Variants in CLASP1 observed in about 807,000 individuals in gnomAD.
The protein encoded by CLASP1 is CLIP-associating protein 1.
In CLASP1, 38 loss-of-function variants were observed where a neutral mutation model predicts 192.3. The ratio of observed to expected loss-of-function variants is 0.20; its 90% CI spans 0.15 to 0.26. CLASP1 has a LOEUF of 0.26. CLASP1 is among the 10% of genes least tolerant of loss of function. The probability of loss-of-function intolerance (pLI) is 1.00; values close to 1 mark genes in which losing one functional copy is unlikely to be tolerated. For missense variants in CLASP1, 1,433 were observed against 1,932.5 expected, an observed-to-expected ratio of 0.74 and a Z score of 4.85; for synonymous variants, 691 against 712.8, an observed-to-expected ratio of 0.97 and a Z score of 0.49.
intron 8 of CLASP1, chr2:121,490,371 C>T (rs2093235775): frequency 2.3e-6 from 1 of 435,764 alleles, no homozygotes; most frequent in Admixed American, 2.6e-5. Flanking sequence ...TCAGCAAACT[C>T]TCCACCCACA....
At chr2:121,478,762 C>CCACACACCCCACA (rs1559366764) in intron 8 of CLASP1, among the ~76,000 whole-genome samples, 1 of 63,636 alleles carries the variant, frequency 1.6e-5, no homozygotes, top group South Asian at 5.6e-4. Flanking sequence ...CACACACACA[C>CCACACACCCCACA]CACACACCCC....
At chr2:121,531,026 A>T (rs752210191) in intron 2 of CLASP1, 4 of 700,054 alleles carry the variant, frequency 5.7e-6, no homozygotes, top group South Asian at 3.0e-5. Context: ...CTGTTTTCAT[A>T]GACTTATCAG....
chr2:121,437,192 G>A lies in CLASP1; in HGVS notation c.1913-7015C>T, dbSNP rs192814884. Among the ~76,000 whole-genome samples, 310 of 152,020 alleles carry A rather than the reference G, an allele frequency of 2.0e-3. 1 individual carries two copies. Among genetic ancestry groups the A allele is most frequent in the African/African-American group, 7.2e-3 (297 of 41,474 alleles). ...CTATATTGCCCAGGCTTAACTCCTG[G>A]GCTCAAGCAATCCTCCTGCCTCGGC... On this transcript the variant is annotated intron_variant, in intron 19 of 39. Coordinates refer to ENST00000263710, the Ensembl canonical transcript of CLASP1.
In CLASP1 at chr2:121,636,226, C is replaced by T. The variant is rs531366185; in HGVS notation, c.-286+13146G>A. 2.0e-5 allele frequency among the ~76,000 whole-genome samples: 3 copies of T among 151,878 alleles called. No individual in the cohort carries two copies. In the East Asian group the frequency reaches 5.8e-4, roughly 29 times the overall value. ...GTGCAGGCGCCTGTAATCCCAGCTA[C>T]TCGGGAGGCTGAGGCAGGAGACTCG... On this transcript the variant is annotated intron_variant, in intron 1 of 39. Transcript: ENST00000263710.
chr2:121,443,394 T>G (rs1461347554), intron 19 of CLASP1, among the ~76,000 whole-genome samples: 4 of 152,224 alleles, frequency 2.6e-5, no homozygotes, highest in Non-Finnish European at 5.9e-5. Flanking sequence ...TAATTTCCCA[T>G]GTAATGTCTT....
intron 8 of CLASP1, among the ~76,000 whole-genome samples, chr2:121,483,482 GTA>G (rs756287325): frequency 2.4e-4 from 37 of 151,110 alleles, no homozygotes; most frequent in African/African-American, 8.0e-4. Context: ...ATATATGTAT[GTA>G]TATATATATG....
At chr2:121,512,459 T>TATA (rs2094166856) in intron 7 of CLASP1, among the ~76,000 whole-genome samples, 1 of 152,356 alleles carries the variant, frequency 6.6e-6, no homozygotes, top group African/African-American at 2.4e-5. Context: ...ATACATGAAC[T>TATA]ATAATAATAC....
chr2:121,589,069 G>A (rs1399684808), intron 2 of CLASP1, among the ~76,000 whole-genome samples: 5 of 152,114 alleles, frequency 3.3e-5, no homozygotes, highest in African/African-American at 1.2e-4. Context: ...ACACTGAAGA[G>A]AGGCCTGCAT....
At chr2:121,397,662 T>C (rs1240674950) in intron 29 of CLASP1, among the ~76,000 whole-genome samples, 3 of 152,232 alleles carry the variant, frequency 2.0e-5, no homozygotes, top group Admixed American at 1.3e-4. Context: ...TTCTAGGCCA[T>C]GTTCTGTAAG....
chr2:121,405,690 G>A (rs535420735), intron 25 of CLASP1, among the ~76,000 whole-genome samples: 114 of 149,732 alleles, frequency 7.6e-4, no homozygotes, highest in Middle Eastern at 6.8e-3. Context: ...ATGGGTACTT[G>A]GTGAACACTA....
intron 30 of CLASP1, among the ~76,000 whole-genome samples, chr2:121,395,536 A>G (rs774766733): frequency 1.3e-5 from 2 of 152,190 alleles, no homozygotes; most frequent in East Asian, 1.9e-4. Flanking sequence ...TGCTTCAGAC[A>G]TATCAGTCTA....
chr2:121,593,692 C>G (rs2062717776), intron 2 of CLASP1, among the ~76,000 whole-genome samples: 1 of 146,666 alleles, frequency 6.8e-6, no homozygotes, highest in Admixed American at 6.8e-5. Context: ...TGTTCCAGAA[C>G]TGGATCATGA....
chr2:121,452,249 T>C (rs2085637564), intron 14 of CLASP1, among the ~76,000 whole-genome samples: 2 of 152,180 alleles, frequency 1.3e-5, no homozygotes, highest in South Asian at 4.1e-4. Flanking sequence ...TTTCGGAGAA[T>C]GCTTTGCACA....
intron 33 of CLASP1, among the ~76,000 whole-genome samples, chr2:121,379,744 T>C (rs1053895433): frequency 6.2e-4 from 94 of 152,224 alleles, no homozygotes; most frequent in Non-Finnish European, 1.3e-4. Flanking sequence ...TTATTTTCCA[T>C]ATGTCGCTTC....
rs557330691 is a variant in CLASP1, at chr2:121,448,155, T to G, written c.1741+121A>C. 4.4e-5 allele frequency: 36 copies of G among 818,320 alleles called. No individual in the cohort carries two copies. In the South Asian group the frequency reaches 5.3e-4, roughly 12 times the overall value. 50.7% of individuals were successfully genotyped at this position (818,320 alleles called of 1,614,324 possible). A position where few individuals can be genotyped will look rare whatever the true frequency, so the allele number is the denominator to read the frequency against. ...CAGGGCAGGGCAGAGCAGGCAACATTCAAGCCTAAGAAGGAACTGAGGGCA... is the reference window on the plus strand; with the variant it reads ...CAGGGCAGGGCAGAGCAGGCAACATGCAAGCCTAAGAAGGAACTGAGGGCA... On this transcript the variant is annotated intron_variant, in intron 18 of 39. Coordinates refer to ENST00000263710, the Ensembl canonical transcript of CLASP1.
intron 6 of CLASP1, among the ~76,000 whole-genome samples, chr2:121,522,945 C>A (rs1482849450): frequency 6.6e-6 from 1 of 152,198 alleles, no homozygotes; most frequent in South Asian, 2.1e-4. Flanking sequence ...GAGGAGACTA[C>A]TGAGTAACTT....
chr2:121,347,499 C>T (rs1385101291), intron 38 of CLASP1, among the ~76,000 whole-genome samples: 1 of 152,174 alleles, frequency 6.6e-6, no homozygotes, highest in Non-Finnish European at 1.5e-5. Context: ...GGAAAGAGAA[C>T]TTGGTTTATT....
chr2:121,573,042 C>T (rs929552894), intron 2 of CLASP1, among the ~76,000 whole-genome samples: 1 of 152,206 alleles, frequency 6.6e-6, no homozygotes, highest in Non-Finnish European at 1.5e-5. Flanking sequence ...TCACTGCAAC[C>T]TCCACCTCCC....
At chr2:121,518,231 C>CAAAAAAA (rs35409200) in intron 6 of CLASP1, among the ~76,000 whole-genome samples, 1 of 49,586 alleles carries the variant, frequency 2.0e-5, no homozygotes, top group Non-Finnish European at 4.2e-5. Context: ...ACCCCCGTCT[C>CAAAAAAA]AAAAAAAAAA....
Sources: gnomAD v4.1 joint callset for allele counts (sites outside exome capture counted in the v4.1 genomes callset) on GRCh38, gnomAD v4.1.1 for gene constraint, MANE v1.5 for transcripts, NCBI Gene and HGNC (gene_info 2026-07-23, HGNC 2026-07-21) for gene names.